Variants in GRID2IP observed in about 807,000 individuals in gnomAD.
GRID2IP encodes delphilin.
Under a neutral mutation model 114.3 loss-of-function variants are expected in GRID2IP, and 78 were observed. That is an observed-to-expected ratio of 0.68 (90% CI 0.57 to 0.82). The LOEUF is 0.82. GRID2IP is among the 40% of genes least tolerant of loss of function. The pLI is 0.00. For missense variants in GRID2IP, 1,727 were observed against 1,678.5 expected (o/e 1.03, Z -0.51); for synonymous variants, 809 against 724.0 (o/e 1.12, Z -1.89).
At position 6,498,222 on chromosome 7, in the gene GRID2IP, G is replaced by A. The variant is rs951741960; in HGVS notation, c.3406C>T (p.Leu1136=). ...DKFAMVMSSF[L]ETAQPALRAL... Reference sequence around the variant, plus strand: ...CGAAGTGCTGGCTGGGCCGTCTCCAGGAAGGACTGACAGGCCTCAGTTAAG... The same window carrying A: ...CGAAGTGCTGGCTGGGCCGTCTCCAAGAAGGACTGACAGGCCTCAGTTAAG... Residue 1136 remains leucine (L), a synonymous_variant, in exon 21 of 22, where the codon CTG becomes TTG. Transcript: ENST00000457091. The A allele has an allele frequency of 1.9e-6, 3 of 1,543,252 alleles. No homozygotes were observed. The highest frequency in any genetic ancestry group is 2.6e-6 in the Non-Finnish European group (3 of 1,144,028).
In GRID2IP at chr7:6,508,979, G is replaced by A. The variant is rs745790551; in HGVS notation, c.2106C>T (p.Thr702=). 220 of 1,547,766 alleles carry A rather than the reference G, an allele frequency of 1.4e-4. No homozygotes were observed. Among genetic ancestry groups the A allele is most frequent in the Non-Finnish European group, 1.8e-4 (204 of 1,146,712 alleles). The change falls in exon 12 of 22, where the codon ACC becomes ACT. Residue 702 remains threonine, a synonymous_variant. Coordinates refer to ENST00000457091, the MANE Select transcript of GRID2IP (RefSeq NM_001145118.2). This position sits in a 1 kb window ranked among gnomAD's most constrained non-coding sequence, Gnocchi z 5.6. ...PRVTIVDDFL[T]PENDYEEMSF... The stretch of plus-strand genomic sequence containing the variant: ...CCACCTCCTCGTAGTCGTTCTCCGG[G>A]GTCAGGAAATCATCCACGATGGTGA...
At chr7:6,514,059 A>T (rs7808436) in intron 8 of GRID2IP, among the ~76,000 whole-genome samples, 82,612 of 151,716 alleles carry the variant, frequency 0.54, 23,334 homozygotes, top group African/African-American at 0.66. Flanking sequence ...AGAGACCATC[A>T]TGGTTAACAT....
At chr7:6,539,619 C>A in intron 2 of GRID2IP, 99 bp downstream of exon 2, 1 of 1,151,016 alleles carries the variant, frequency 8.7e-7, no homozygotes, top group East Asian at 2.7e-5. Flanking sequence ...CTATTATCTC[C>A]CACCTGGGCT....
intron 1 of GRID2IP, among the ~76,000 whole-genome samples, chr7:6,543,478 C>T (rs1779843091): frequency 1.3e-5 from 2 of 152,028 alleles, no homozygotes; most frequent in Non-Finnish European, 2.9e-5. Context: ...CCACCCCTTT[C>T]TTCCTGCCAC....
rs774884113 is a variant in GRID2IP, at chr7:6,502,138, T to C, written c.3151-20A>G. 6 of 1,550,240 alleles carry C rather than the reference T, an allele frequency of 3.9e-6. No homozygotes were observed. The South Asian group carries it at 6.0e-5, about 15-fold the overall frequency. On this transcript the variant is annotated intron_variant, in intron 18 of 21. Transcript: ENST00000457091. The stretch of plus-strand genomic sequence containing the variant: ...GTTCAGCTGCAAGTGACCCCCAATA[T>C]ACATTCCCGTCAAGGACCCCATCAG...
Position 6,508,480 on chromosome 7 carries a change from G to C in GRID2IP, c.2128-79C>G. ...GAGCAGGTGCAAAGTGAAGGATCAT[G>C]GGATAGCCTGGGACAAGGACAGGGC... On this transcript the variant is annotated intron_variant, in intron 12 of 21. Transcript: ENST00000457091. This position sits in a 1 kb window ranked among gnomAD's most constrained non-coding sequence, Gnocchi z 5.6. 1.3e-6 allele frequency: 2 copies of C among 1,536,452 alleles called. No homozygotes were observed. The highest frequency in any genetic ancestry group is 1.8e-6 in the Non-Finnish European group (2 of 1,141,032).
In GRID2IP at chr7:6,503,544, C is replaced by T. The variant is rs1296658526; in HGVS notation, c.2854G>A (p.Ala952Thr). 16 of 1,528,118 alleles carry T rather than the reference C, an allele frequency of 1.0e-5. No homozygotes were observed. The highest frequency in any genetic ancestry group is 6.1e-6 in the Non-Finnish European group (7 of 1,144,038). 94.7% of individuals were successfully genotyped at this position (1,528,118 alleles called of 1,614,324 possible). The change falls in exon 16 of 22, where the codon GCC (alanine) becomes ACC (threonine). Residue 952 changes from alanine (A) to threonine (T), a missense_variant. Physicochemically the swap from Ala to Thr is moderately conservative, Grantham distance 58. Coordinates refer to ENST00000457091, the MANE Select transcript of GRID2IP (RefSeq NM_001145118.2). ...AGGCGGCCGGGCGCCTCGCGGAAGG[C>T]CTGGTAGCGCTGCTCCTCGTCGGCG... ...PDADEEQRYQ[A>T]FREAPGRLSE... is the part of the protein sequence containing the mutation.
Position 6,522,750 on chromosome 7 carries a change from A to G in GRID2IP, c.920-793T>C, listed in dbSNP as rs534545408. Among the ~76,000 whole-genome samples, 7 of 150,808 alleles carry G rather than the reference A, an allele frequency of 4.6e-5. 1 individual carries two copies. The East Asian group carries it at 7.8e-4, about 17-fold the overall frequency. On this transcript the variant is annotated intron_variant, in intron 4 of 21. Coordinates refer to ENST00000457091, the MANE Select transcript of GRID2IP (RefSeq NM_001145118.2). ...AACCTCTGCCTCCTGGGTTCAAGCT[A>G]TTCTCCCACCTCAGCCTCCTGAATA...
rs1779512526 is a variant in GRID2IP, at chr7:6,526,490, C to A, written c.833+31G>T. On this transcript the variant is annotated intron_variant, in intron 3 of 21. Coordinates refer to ENST00000457091, the MANE Select transcript of GRID2IP (RefSeq NM_001145118.2). This position sits in a 1 kb window ranked among gnomAD's most constrained non-coding sequence, Gnocchi z 7.6. ...TCCCGAGCCCACCCGCAGGGAGGCG[C>A]CCGCTGCCAGTGCCTGTGAGCCCCG... 7.3e-7 allele frequency: 1 copy of A among 1,373,434 alleles called. No individual in the cohort carries two copies. Among genetic ancestry groups the A allele is most frequent in the Non-Finnish European group, 9.4e-7 (1 of 1,064,506 alleles). The allele number at this position is 1,373,434 out of a possible 1,614,324, so 85.1% of individuals were successfully genotyped here. A position where few individuals can be genotyped will look rare whatever the true frequency, so the allele number is the denominator to read the frequency against.
At position 6,508,202 on chromosome 7, in the gene GRID2IP, C is replaced by T. The variant is rs757615737; in HGVS notation, c.2327G>A (p.Gly776Asp). 90 of 1,515,436 alleles carry T rather than the reference C, an allele frequency of 5.9e-5. No homozygotes were observed. Among genetic ancestry groups the T allele is most frequent in the Non-Finnish European group, 7.0e-5 (79 of 1,131,558 alleles). 93.9% of individuals were successfully genotyped at this position (1,515,436 alleles called of 1,614,324 possible). Reference protein sequence around the residue: ...DAKPSSRSSDGSRGPAQALAK... With the variant: ...DAKPSSRSSDDSRGPAQALAK... ...CAGCGCCTGAGCAGGGCCCCGGGAA[C>T]CATCAGAGCTGCGGGAGCTGGGCTT... Residue 776 changes from glycine (G) to aspartate (D), a missense_variant, in exon 13 of 22, where the codon GGT becomes GAT. Transcript: ENST00000457091. The surrounding 1 kb of genome is among the most constrained non-coding windows in gnomAD (Gnocchi z 5.6).
chr7:6,503,345 C>A, intron 16 of GRID2IP, 146 bp downstream of exon 16: 1 of 993,102 alleles, frequency 1.0e-6, no homozygotes, highest in Non-Finnish European at 1.4e-6. Flanking sequence ...TGATAGGACC[C>A]GGCCATTAAA....
Position 6,521,295 on chromosome 7 carries a change from T to C in GRID2IP, c.1084+134A>G. The C allele has an allele frequency of 6.5e-6, 4 of 618,660 alleles. No homozygotes were observed. Among genetic ancestry groups the C allele is most frequent in the Non-Finnish European group, 1.1e-5 (4 of 352,602 alleles). 38.3% of individuals were successfully genotyped at this position (618,660 alleles called of 1,614,324 possible). Reference sequence around the variant, plus strand: ...CTCACTGGGGTTCTATAGCACCACTTAGGAGGCAGCCCCGGGGAGGCAAGC... The same window carrying C: ...CTCACTGGGGTTCTATAGCACCACTCAGGAGGCAGCCCCGGGGAGGCAAGC... On this transcript the variant is annotated intron_variant, in intron 6 of 21. Coordinates refer to ENST00000457091, the MANE Select transcript of GRID2IP (RefSeq NM_001145118.2). This position sits in a 1 kb window ranked among gnomAD's most constrained non-coding sequence, Gnocchi z 4.1.
intron 2 of GRID2IP, chr7:6,531,042 G>A (rs575874437): frequency 3.1e-6 from 2 of 643,302 alleles, no homozygotes; most frequent in South Asian, 1.6e-5. Context: ...GGTTCCCGGA[G>A]GCGCGGGACG....
Position 6,519,919 on chromosome 7 carries a change from C to T in GRID2IP, c.1268+659G>A, listed in dbSNP as rs1181873370. Among the ~76,000 whole-genome samples the T allele has an allele frequency of 6.6e-6, 1 of 152,168 alleles. No homozygotes were observed. The highest frequency in any genetic ancestry group is 1.5e-5 in the Non-Finnish European group (1 of 68,036). On this transcript the variant is annotated intron_variant, in intron 7 of 21. Coordinates refer to ENST00000457091, the MANE Select transcript of GRID2IP (RefSeq NM_001145118.2). The surrounding 1 kb of genome is among the most constrained non-coding windows in gnomAD (Gnocchi z 4.1). ...CAAAAAGAAAGACACCAACCCTACC[C>T]CGAAGGGCCTAGCCCATGACAAGTG...
chr7:6,547,537 G>C (rs907537404), intron 1 of GRID2IP, among the ~76,000 whole-genome samples: 3 of 152,166 alleles, frequency 2.0e-5, no homozygotes, highest in Admixed American at 2.0e-4. Context: ...AACAGAGCTA[G>C]ACCCTGTCTC....
At chr7:6,529,506 C>T (rs1313157750) in intron 2 of GRID2IP, among the ~76,000 whole-genome samples, 1 of 152,190 alleles carries the variant, frequency 6.6e-6, no homozygotes, top group Non-Finnish European at 1.5e-5. Flanking sequence ...ACCAACTGCA[C>T]AGATGGAAGA....
At position 6,502,830 on chromosome 7, in the gene GRID2IP, T is replaced by G. The variant is rs928035188; in HGVS notation, c.3106A>C (p.Lys1036Gln). 6.4e-7 allele frequency: 1 copy of G among 1,552,100 alleles called. No homozygotes were observed. Among genetic ancestry groups the G allele is most frequent in the Non-Finnish European group, 8.7e-7 (1 of 1,147,036 alleles). The change falls in exon 18 of 22, where the codon AAA (lysine) becomes CAA (glutamine). Residue 1036 changes from lysine to glutamine, a missense_variant. Physicochemically the swap from Lys to Gln is moderately conservative, Grantham distance 53. Transcript: ENST00000457091. Reference protein sequence around the residue: ...MGNYLNDGQPKTNKTTGFKIN... With the variant: ...MGNYLNDGQPQTNKTTGFKIN... ...TTGAAGCCCGTAGTCTTGTTGGTTTTGGGCTGTCCATCGTTGAGATAGTTG... is the reference window on the plus strand; with the variant it reads ...TTGAAGCCCGTAGTCTTGTTGGTTTGGGGCTGTCCATCGTTGAGATAGTTG...
At chr7:6,547,227 T>G (rs1044138714) in intron 1 of GRID2IP, among the ~76,000 whole-genome samples, 4 of 152,168 alleles carry the variant, frequency 2.6e-5, no homozygotes, top group Non-Finnish European at 4.4e-5. Flanking sequence ...AGTAAACTTC[T>G]GTAGTGCAAA....
In GRID2IP at chr7:6,508,649, T is replaced by C. The variant is rs990481923; in HGVS notation, c.2128-248A>G. On this transcript the variant is annotated intron_variant, in intron 12 of 21. Coordinates refer to ENST00000457091, the MANE Select transcript of GRID2IP (RefSeq NM_001145118.2). The surrounding 1 kb of genome is among the most constrained non-coding windows in gnomAD (Gnocchi z 5.6). ...GGTAAGCCTCAGGCTGTGAGGGGGA[T>C]AGCCTGGAATAAGGACAGGACCCTG... Among the ~76,000 whole-genome samples, 3 of 151,946 alleles carry C rather than the reference T, an allele frequency of 2.0e-5. No individual in the cohort carries two copies. The highest frequency in any genetic ancestry group is 2.1e-4 in the South Asian group (1 of 4,816).
Sources: gnomAD v4.1 joint callset for allele counts (sites outside exome capture counted in the v4.1 genomes callset) on GRCh38, gnomAD v4.1.1 for gene constraint, Gnocchi (gnomAD v3.1) non-coding constraint, MANE v1.5 for transcripts, NCBI Gene and HGNC (gene_info 2026-07-23, HGNC 2026-07-21) for gene names.